TLE4: variants seen among roughly 807,000 people sequenced by gnomAD.
The protein encoded by TLE4 is TLE family member 4, transcriptional corepressor.
A neutral mutation model predicts 92.8 loss-of-function variants in TLE4; 8 were observed. The observed-to-expected ratio is 0.09, with a 90% CI of 0.05 to 0.16. The LOEUF is 0.16. Among genes scored for constraint, TLE4 ranks in the 10% least tolerant of loss-of-function variants. The pLI is 1.00. For synonymous variants in TLE4, 371 were observed against 374.1 expected, an observed-to-expected ratio of 0.99 and a Z score of 0.10; for missense variants, 675 against 997.6, an observed-to-expected ratio of 0.68 and a Z score of 4.36.
chr9:79,693,340 A>T (rs1006284248), intron 8 of TLE4, among the ~76,000 whole-genome samples: 1 of 152,146 alleles, frequency 6.6e-6, no homozygotes, highest in Non-Finnish European at 1.5e-5. Context: ...AAGCCTGCTA[A>T]TAACCTCTCC....
intron 4 of TLE4, among the ~76,000 whole-genome samples, chr9:79,578,080 A>G (rs1207735093): frequency 6.6e-6 from 1 of 152,114 alleles, no homozygotes; most frequent in Non-Finnish European, 1.5e-5. Context: ...CCTACTTATT[A>G]TATTTTCTTT....
At chr9:79,671,124 T>C in intron 8 of TLE4, 1 of 384,468 alleles carries the variant, frequency 2.6e-6, no homozygotes, top group South Asian at 1.8e-5. Context: ...TAGCTGATCC[T>C]AGCACATATT....
intron 4 of TLE4, among the ~76,000 whole-genome samples, chr9:79,603,396 T>G (rs1217199438): frequency 1.3e-5 from 2 of 152,148 alleles, no homozygotes; most frequent in Non-Finnish European, 2.9e-5. Flanking sequence ...CCACCCTGAT[T>G]AGCCATCAGT....
At chr9:79,691,877 G>A (rs1209430798) in intron 8 of TLE4, among the ~76,000 whole-genome samples, 1 of 152,082 alleles carries the variant, frequency 6.6e-6, no homozygotes, top group Non-Finnish European at 1.5e-5. Flanking sequence ...TTTTATTAAT[G>A]TTATTAGCAG....
At chr9:79,627,044 G>C (rs1026044219) in intron 5 of TLE4, among the ~76,000 whole-genome samples, 1 of 152,146 alleles carries the variant, frequency 6.6e-6, no homozygotes, top group Non-Finnish European at 1.5e-5. Context: ...AGTGGGATGG[G>C]TTCTGTTTTG....
At chr9:79,656,293 T>C (rs2059769389) in intron 8 of TLE4, among the ~76,000 whole-genome samples, 1 of 152,174 alleles carries the variant, frequency 6.6e-6, no homozygotes, top group Non-Finnish European at 1.5e-5. Flanking sequence ...TGACTCTAGA[T>C]GGTTTTTATC....
intron 14 of TLE4, among the ~76,000 whole-genome samples, chr9:79,711,640 T>C (rs2073314283): frequency 6.6e-6 from 1 of 152,170 alleles, no homozygotes; most frequent in African/African-American, 2.4e-5. Flanking sequence ...GTAAGTGTCT[T>C]TAAGGAAACA....
chr9:79,717,182 C>G (rs2074667447), intron 14 of TLE4, among the ~76,000 whole-genome samples: 1 of 152,186 alleles, frequency 6.6e-6, no homozygotes, highest in Admixed American at 6.5e-5. Context: ...TCTCCTGAAT[C>G]ACAGCTGTTT....
At chr9:79,601,429 A>T (rs1344226687) in intron 4 of TLE4, 1 of 456,272 alleles carries the variant, frequency 2.2e-6, no homozygotes, top group East Asian at 6.9e-5. Flanking sequence ...TGTTTTTCAC[A>T]AATTGAAGGC....
intron 8 of TLE4, among the ~76,000 whole-genome samples, chr9:79,683,514 A>T (rs1038487508): frequency 6.6e-6 from 1 of 152,206 alleles, no homozygotes; most frequent in African/African-American, 2.4e-5. Context: ...ACAATGATCC[A>T]TGTCTAAATT....
chr9:79,678,407 A>G (rs1219123883), intron 8 of TLE4, among the ~76,000 whole-genome samples: 6 of 151,612 alleles, frequency 4.0e-5, no homozygotes, highest in Non-Finnish European at 5.9e-5. Flanking sequence ...CCTAATCCTA[A>G]CTTCATCTTT....
chr9:79,712,065 C>T (rs961288101), intron 14 of TLE4, among the ~76,000 whole-genome samples: 1 of 152,144 alleles, frequency 6.6e-6, no homozygotes, highest in Non-Finnish European at 1.5e-5. Context: ...GATGGCCCCT[C>T]CTCAACAAGA....
At chr9:79,700,674 T>C (rs1018052602) in intron 8 of TLE4, among the ~76,000 whole-genome samples, 2 of 152,134 alleles carry the variant, frequency 1.3e-5, no homozygotes, top group African/African-American at 4.8e-5. Flanking sequence ...GTTTTCCTGC[T>C]CTTTTTCTTA....
chr9:79,704,527 C>G lies in TLE4; in HGVS notation c.610-256C>G, dbSNP rs117691336. On this transcript the variant is annotated intron_variant, in intron 8 of 19. Transcript: ENST00000376552. ...ACCCTTTTTATTTCCTCTCCTCCCT[C>G]TGTCCCATCTCTCTGCCTCTTCTCG... 5.0e-4 allele frequency: 241 copies of G among 483,988 alleles called. No individual in the cohort carries two copies. The East Asian group carries it at 5.6e-3, about 11-fold the overall frequency. The allele number at this position is 483,988 out of a possible 1,614,324, so 30.0% of individuals were successfully genotyped here. A position where few individuals can be genotyped will look rare whatever the true frequency, so the allele number is the denominator to read the frequency against.
intron 8 of TLE4, among the ~76,000 whole-genome samples, chr9:79,699,114 A>T (rs2069062893): frequency 1.3e-5 from 2 of 152,188 alleles, no homozygotes; most frequent in South Asian, 4.1e-4. Context: ...AAACAGAAAT[A>T]CAGTGCTTTG....
chr9:79,684,544 G>A (rs561345534), intron 8 of TLE4, among the ~76,000 whole-genome samples: 1 of 152,076 alleles, frequency 6.6e-6, no homozygotes, highest in African/African-American at 2.4e-5. Context: ...CTTAACTATT[G>A]CCTGATGATC....
intron 10 of TLE4, 76 bp downstream of exon 10, chr9:79,706,018 C>A: frequency 1.5e-6 from 2 of 1,317,184 alleles, no homozygotes; most frequent in Non-Finnish European, 1.1e-6. Context: ...AATTAGTATC[C>A]AAAATATCTT....
intron 8 of TLE4, among the ~76,000 whole-genome samples, chr9:79,675,288 T>C (rs2063085621): frequency 6.6e-6 from 1 of 152,138 alleles, no homozygotes; most frequent in Admixed American, 6.6e-5. Context: ...ATTCCCTTTT[T>C]CCCTGCCATC....
chr9:79,615,192 G>C (rs1429238296), intron 5 of TLE4, among the ~76,000 whole-genome samples: 2 of 152,020 alleles, frequency 1.3e-5, no homozygotes, highest in Admixed American at 6.6e-5. Context: ...AATCTGGAGG[G>C]AGGGGAGGAG....
Sources: allele counts gnomAD v4.1 joint callset (sites outside exome capture counted in the v4.1 genomes callset), GRCh38; gene constraint gnomAD v4.1.1; transcripts MANE v1.5; gene names NCBI Gene and HGNC (gene_info 2026-07-23, HGNC 2026-07-21).